The following STT3A variants were observed in gnomAD, a reference collection of about 807,000 sequenced individuals.
STT3A encodes the protein dolichyl-diphosphooligosaccharide--protein glycosyltransferase subunit STT3A.
Under a neutral mutation model 89.2 loss-of-function variants are expected in STT3A, and 34 were observed. The ratio of observed to expected loss-of-function variants is 0.38; its 90% CI spans 0.29 to 0.51. The LOEUF is 0.51. Among genes scored for constraint, STT3A ranks in the 20% least tolerant of loss-of-function variants. STT3A has a pLI of 0.89. For synonymous variants in STT3A, 282 were observed against 310.3 expected (o/e 0.91, Z 0.96); for missense variants, 555 against 889.5 (o/e 0.62, Z 4.78).
upstream of STT3A, among the ~76,000 whole-genome samples, chr11:125,592,191 T>C (rs527392396): frequency 1.3e-5 from 2 of 152,252 alleles, no homozygotes; most frequent in Non-Finnish European, 2.9e-5. Context: ...ACAACCCCTT[T>C]AGGCCTAGGC....
At chr11:125,606,607 C>T in intron 8 of STT3A, 142 bp downstream of exon 8, 1 of 929,866 alleles carries the variant, frequency 1.1e-6, no homozygotes, top group Non-Finnish European at 1.5e-6. Flanking sequence ...GTTGAAGCAA[C>T]AGAATTACTG....
upstream of STT3A, chr11:125,592,289 A>G (rs1354772401): frequency 7.5e-6 from 3 of 402,030 alleles, no homozygotes; most frequent in Non-Finnish European, 1.5e-5. Flanking sequence ...AGCTCGAGTC[A>G]ACTATCAGGC....
chr11:125,593,801 T>C (rs1397092196), intron 1 of STT3A: 5 of 152,242 alleles, frequency 3.3e-5, no homozygotes, highest in African/African-American at 1.2e-4. Context: ...ATGGAGAACA[T>C]GCTTGACTTC....
Position 125,613,830 on chromosome 11 carries a change from AT to A in STT3A, c.1555-255del. On this transcript the variant is annotated intron_variant, in intron 13 of 17. Transcript: ENST00000392708. This position sits in a 1 kb window ranked among gnomAD's most constrained non-coding sequence, Gnocchi z 4.2. ...CACAGTCTCCCACACCTCCCACCCCATTATGTTAGTATAAAGTGACCTGGGA... is the reference window on the plus strand; with the variant it reads ...CACAGTCTCCCACACCTCCCACCCCATATGTTAGTATAAAGTGACCTGGGA... 2 of 412,450 alleles carry A rather than the reference AT, an allele frequency of 4.8e-6. No individual in the cohort carries two copies. The highest frequency in any genetic ancestry group is 8.9e-6 in the Non-Finnish European group (2 of 223,532). 25.5% of individuals were successfully genotyped at this position (412,450 alleles called of 1,614,324 possible).
In STT3A at chr11:125,623,066, CT is replaced by C. The variant is rs1407720584; in HGVS notation, c.*2257del. On this transcript the variant is annotated 3_prime_UTR_variant, in exon 18 of 18. Transcript: ENST00000392708. ...AACCTGGGAGACAGAGCAAGACTGT[CT>C]CAAAAAAAAAAAAAAAAAAAAAAAA... is the stretch of plus-strand genomic sequence containing the variant. The C allele has an allele frequency of 7.0e-5, 5 of 70,994 alleles. No individual in the cohort carries two copies. The highest frequency in any genetic ancestry group is 1.2e-4 in the Non-Finnish European group (5 of 41,344). 4.4% of individuals were successfully genotyped at this position (70,994 alleles called of 1,614,324 possible).
At position 125,620,870 on chromosome 11, in the gene STT3A, A is replaced by ATT. The variant is rs569634802; in HGVS notation, c.*80_*81dup. On this transcript the variant is annotated 3_prime_UTR_variant, in exon 18 of 18. Coordinates refer to ENST00000392708, the MANE Select transcript of STT3A (RefSeq NM_152713.5). ...GCACATCACATTTAGGACGTTGAAGATTTTTTTTTTTTTTTTTTTTTAATA... is the reference window on the plus strand; with the variant it reads ...GCACATCACATTTAGGACGTTGAAGATTTTTTTTTTTTTTTTTTTTTTTAATA... The ATT allele has an allele frequency of 9.5e-3, 8,420 of 888,692 alleles. 11 individuals are homozygous for ATT. Among genetic ancestry groups the ATT allele is most frequent in the East Asian group, 0.014 (465 of 32,778 alleles). The allele number at this position is 888,692 out of a possible 1,614,324, so 55.1% of individuals were successfully genotyped here.
Position 125,620,822 on chromosome 11 carries a change from A to C in STT3A, c.*12A>C. ...TGTCAAGGACATAAATGTCACGTCCAGCTCTGATATGCTTCGCACTGAGCA... is the reference window on the plus strand; with the variant it reads ...TGTCAAGGACATAAATGTCACGTCCCGCTCTGATATGCTTCGCACTGAGCA... On this transcript the variant is annotated 3_prime_UTR_variant, in exon 18 of 18. Transcript: ENST00000392708. 1 of 1,611,910 alleles carries C rather than the reference A, an allele frequency of 6.2e-7. No individual in the cohort carries two copies. The highest frequency in any genetic ancestry group is 1.1e-5 in the South Asian group (1 of 91,008).
intron 6 of STT3A, among the ~76,000 whole-genome samples, chr11:125,605,091 CCT>C (rs908678694): frequency 3.3e-5 from 5 of 149,504 alleles, no homozygotes; most frequent in African/African-American, 1.2e-4. Context: ...AGAGCAAGAC[CCT>C]GTTTTTGTTG....
At chr11:125,610,691 T>C (rs1565348809) in intron 10 of STT3A, 1 of 150,844 alleles carries the variant, frequency 6.6e-6, no homozygotes, top group Non-Finnish European at 1.5e-5. Flanking sequence ...TGTCTCTACT[T>C]AAAAAAAAAT....
intron 1 of STT3A, among the ~76,000 whole-genome samples, chr11:125,594,441 G>A (rs189497856): frequency 1.6e-3 from 249 of 152,142 alleles, no homozygotes; most frequent in Non-Finnish European, 2.3e-3. Flanking sequence ...TTAGCTGGGC[G>A]TGGTGGCGCA....
rs1309572319 is a variant in STT3A, at chr11:125,608,263, C to A, written c.935C>A (p.Thr312Asn). Residue 312 changes from threonine (T) to asparagine (N), a missense_variant, in exon 9 of 18, where the codon ACC becomes AAC. Coordinates refer to ENST00000392708, the MANE Select transcript of STT3A (RefSeq NM_152713.5). Reference sequence around the variant, plus strand: ...TCTCTGGTAGGCTTTGTCCTTCTCACCGTGGGAGCTCTCCTCATGCTGACA... The same window carrying A: ...TCTCTGGTAGGCTTTGTCCTTCTCAACGTGGGAGCTCTCCTCATGCTGACA... ...VISLVGFVLLTVGALLMLTGK... is the reference protein window; with the variant it reads ...VISLVGFVLLNVGALLMLTGK... 1 of 1,612,844 alleles carries A rather than the reference C, an allele frequency of 6.2e-7. No homozygotes were observed. The highest frequency in any genetic ancestry group is 1.1e-5 in the South Asian group (1 of 90,860).
Position 125,613,157 on chromosome 11 carries a change from C to A in STT3A, c.1534C>A (p.Leu512Ile), listed in dbSNP as rs750513320. The A allele has an allele frequency of 6.2e-7, 1 of 1,612,712 alleles. No homozygotes were observed. The change falls in exon 13 of 18, where the codon CTT becomes ATT. Residue 512 changes from leucine (L) to isoleucine (I), a missense_variant. By Grantham distance (5) the Leu-to-Ile change is conservative (BLOSUM62 2). Transcript: ENST00000392708. This position sits in a 1 kb window ranked among gnomAD's most constrained non-coding sequence, Gnocchi z 4.2. The stretch of plus-strand genomic sequence containing the variant: ...TGACTTCCGAGAAGCATATTATTGG[C>A]TTCGTCATAATACTCCAGAGGTGAA... The part of the protein sequence containing the change: ...FDDFREAYYW[L>I]RHNTPEDAKV...
chr11:125,606,591 G>T, intron 8 of STT3A, 126 bp downstream of exon 8: 1 of 1,062,406 alleles, frequency 9.4e-7, no homozygotes, highest in Non-Finnish European at 1.3e-6. Context: ...TGAACTACTT[G>T]TGTTAGTTGA....
intron 6 of STT3A, 75 bp from the exon 7 acceptor site, chr11:125,605,554 C>A: frequency 9.7e-7 from 1 of 1,032,912 alleles, no homozygotes; most frequent in Non-Finnish European, 1.4e-6. Context: ...TCCAGGCAGT[C>A]TGTTCCAGAA....
chr11:125,605,549 G>T, intron 6 of STT3A, 80 bp from the exon 7 acceptor site: 1 of 969,882 alleles, frequency 1.0e-6, no homozygotes, highest in Non-Finnish European at 1.6e-6. Context: ...GTAGATCCAG[G>T]CAGTCTGTTC....
rs141474800 is a variant in STT3A at position 125,621,049 on chromosome 11, A to G, written c.*239A>G. On this transcript the variant is annotated 3_prime_UTR_variant, in exon 18 of 18. Coordinates refer to ENST00000392708, the MANE Select transcript of STT3A (RefSeq NM_152713.5). ...TTTACTTTGGTCAATTAAAGGGGGG[A>G]ATTTTTTTAAAAAATGTGCCTTATT... The G allele has an allele frequency of 2.2e-3, 890 of 398,162 alleles. 27 individuals are homozygous for G. The East Asian group carries it at 0.029, about 13-fold the overall frequency. 24.7% of individuals were successfully genotyped at this position (398,162 alleles called of 1,614,324 possible). A position where few individuals can be genotyped will look rare whatever the true frequency, so the allele number is the denominator to read the frequency against.
intron 15 of STT3A, 105 bp from the exon 16 acceptor site, chr11:125,618,268 C>T: frequency 9.6e-7 from 1 of 1,046,574 alleles, no homozygotes; most frequent in Non-Finnish European, 1.3e-6. Context: ...TAAATGATAC[C>T]AATCCCCATT....
In STT3A at chr11:125,597,904, T is replaced by C. The variant is rs111754209; in HGVS notation, c.149+785T>C. 2.6e-4 allele frequency among the ~76,000 whole-genome samples: 39 copies of C among 152,294 alleles called. 1 individual carries two copies. Among genetic ancestry groups the C allele is most frequent in the African/African-American group, 9.4e-4 (39 of 41,570 alleles). The stretch of plus-strand genomic sequence containing the variant: ...CAACCCTTTGAGATGTAGGTACTAT[T>C]ATTCCCTTCTTAGAAATGAGGAGAC... On this transcript the variant is annotated intron_variant, in intron 3 of 17. Transcript: ENST00000392708.
At position 125,614,681 on chromosome 11, in the gene STT3A, A is replaced by G. The variant is rs1184149259; in HGVS notation, c.1774+255A>G. ...TCTAAGGCATAGAAGTAGTTCCACA[A>G]CCAGTAATAAAACCAAGCTGAATAT... On this transcript the variant is annotated intron_variant, in intron 15 of 17. Transcript: ENST00000392708. The surrounding 1 kb of genome is among the most constrained non-coding windows in gnomAD (Gnocchi z 4.9). Among the ~76,000 whole-genome samples, 6 of 152,308 alleles carry G rather than the reference A, an allele frequency of 3.9e-5. No individual in the cohort carries two copies. Among genetic ancestry groups the G allele is most frequent in the African/African-American group, 1.4e-4 (6 of 41,578 alleles).
Sources: gnomAD v4.1 joint callset for allele counts (sites outside exome capture counted in the v4.1 genomes callset) on GRCh38, gnomAD v4.1.1 for gene constraint, Gnocchi (gnomAD v3.1) non-coding constraint, MANE v1.5 for transcripts, NCBI Gene and HGNC (gene_info 2026-07-23, HGNC 2026-07-21) for gene names.